CTNND2: variants seen among roughly 807,000 people sequenced by gnomAD.
The protein encoded by CTNND2 is catenin delta 2.
In CTNND2, 22 loss-of-function variants were observed where a neutral mutation model predicts 144.4. The observed-to-expected ratio is 0.15, with a 90% confidence interval of 0.11 to 0.22. The LOEUF is 0.22. Ranked by LOEUF, CTNND2 falls within the 10% of genes least tolerant of loss-of-function variation. The pLI is 1.00. For synonymous variants in CTNND2, 751 were observed against 695.6 expected, an observed-to-expected ratio of 1.08 and a Z score of -1.25; for missense variants, 1,353 against 1,618.8, an observed-to-expected ratio of 0.84 and a Z score of 2.82.
intron 2 of CTNND2, among the ~76,000 whole-genome samples, chr5:11,699,039 TATC>T (rs995531192): frequency 6.6e-6 from 1 of 150,968 alleles, no homozygotes; most frequent in Non-Finnish European, 1.5e-5. Flanking sequence ...CATATATATA[TATC>T]ATATGTTCCC....
At position 11,142,644 on chromosome 5, in the gene CTNND2, C is replaced by T. The variant is rs574051494; in HGVS notation, c.2159+16932G>A. ...TTTTTTTTTGTTTGAGGCAGAGTTT[C>T]GCTCTGTCACCCAGGCTGGAGTGCA... On this transcript the variant is annotated intron_variant, in intron 12 of 21. Transcript: ENST00000304623. Among the ~76,000 whole-genome samples, 49 of 126,776 alleles carry T rather than the reference C, an allele frequency of 3.9e-4. No individual in the cohort carries two copies. The Middle Eastern group carries it at 0.02, about 52-fold the overall frequency. 83.2% of individuals were successfully genotyped at this position (126,776 alleles called of 152,430 possible). A position where few individuals can be genotyped will look rare whatever the true frequency, so the allele number is the denominator to read the frequency against.
intron 9 of CTNND2, among the ~76,000 whole-genome samples, chr5:11,240,840 A>G (rs1742326958): frequency 7.6e-6 from 1 of 131,540 alleles, no homozygotes; most frequent in Non-Finnish European, 1.6e-5. Flanking sequence ...ACACCCCCCA[A>G]CACACACCCA....
At chr5:11,464,703 C>G (rs375059522) in intron 3 of CTNND2, among the ~76,000 whole-genome samples, 2 of 152,160 alleles carry the variant, frequency 1.3e-5, no homozygotes, top group African/African-American at 2.4e-5. Context: ...CATGGTGGAC[C>G]AGGGAGGAGA....
In CTNND2 at chr5:11,496,920, A is replaced by T. The variant is rs1770008435; in HGVS notation, c.287+68024T>A. Among the ~76,000 whole-genome samples, 3 of 152,234 alleles carry T rather than the reference A, an allele frequency of 2.0e-5. No homozygotes were observed. The South Asian group carries it at 6.2e-4, about 32-fold the overall frequency. ...GCCCCACACCTGGGAGAAGAAAGAG[A>T]GCCAGCCCCTCCTGAGTTCCTGAGT... On this transcript the variant is annotated intron_variant, in intron 3 of 21. Coordinates refer to ENST00000304623, the MANE Select transcript of CTNND2 (RefSeq NM_001332.4).
intron 2 of CTNND2, among the ~76,000 whole-genome samples, chr5:11,598,772 A>G (rs1779644534): frequency 6.6e-6 from 1 of 152,184 alleles, no homozygotes; most frequent in African/African-American, 2.4e-5. Context: ...TTTAATATTT[A>G]TTATAGTGAA....
At chr5:11,833,486 G>T (rs1794016584) in intron 1 of CTNND2, among the ~76,000 whole-genome samples, 1 of 152,100 alleles carries the variant, frequency 6.6e-6, no homozygotes, top group Admixed American at 6.5e-5. Flanking sequence ...GGTGACTACA[G>T]TGGGGAAGGA....
chr5:11,627,307 C>T (rs1310087583), intron 2 of CTNND2, among the ~76,000 whole-genome samples: 2 of 152,094 alleles, frequency 1.3e-5, no homozygotes, highest in East Asian at 3.9e-4. Context: ...CAAAGCAGAC[C>T]CTACATAATC....
intron 2 of CTNND2, among the ~76,000 whole-genome samples, chr5:11,710,312 G>A (rs1253417288): frequency 6.6e-6 from 1 of 152,164 alleles, no homozygotes; most frequent in Non-Finnish European, 1.5e-5. Flanking sequence ...GGAGGCTGAG[G>A]TGGGTGGATC....
chr5:11,806,704 T>A (rs569866639), intron 1 of CTNND2, among the ~76,000 whole-genome samples: 3 of 152,204 alleles, frequency 2.0e-5, no homozygotes, highest in African/African-American at 4.8e-5. Flanking sequence ...TATGTGCACA[T>A]TGGGGAAATC....
At chr5:11,287,935 G>GT (rs947570358) in intron 9 of CTNND2, among the ~76,000 whole-genome samples, 2 of 152,036 alleles carry the variant, frequency 1.3e-5, no homozygotes, top group South Asian at 2.1e-4. Flanking sequence ...CTCAGCTGTA[G>GT]TTTTTTTATT....
chr5:11,546,834 G>C (rs905117487), intron 3 of CTNND2, among the ~76,000 whole-genome samples: 2 of 152,070 alleles, frequency 1.3e-5, no homozygotes, highest in South Asian at 4.1e-4. Context: ...GTGAAAAATT[G>C]ACACAAGGCA....
At chr5:11,020,016 G>A (rs1742070512) in intron 17 of CTNND2, among the ~76,000 whole-genome samples, 1 of 152,210 alleles carries the variant, frequency 6.6e-6, no homozygotes, top group East Asian at 1.9e-4. Flanking sequence ...CACAATTGGA[G>A]TTTGATCTTC....
Position 11,064,097 on chromosome 5 carries a change from G to T in CTNND2, c.2788+18599C>A, listed in dbSNP as rs548602118. On this transcript the variant is annotated intron_variant, in intron 16 of 21. Coordinates refer to ENST00000304623, the MANE Select transcript of CTNND2 (RefSeq NM_001332.4). ...TGACTTTAGAACTTCAGGGAACTTG[G>T]GGGTGGGGAGGGCTGGAAGAAATGG... Among the ~76,000 whole-genome samples the T allele has an allele frequency of 7.9e-5, 12 of 152,216 alleles. 1 individual carries two copies. The South Asian group carries it at 2.5e-3, about 32-fold the overall frequency.
chr5:11,753,950 A>C (rs1056006581), intron 1 of CTNND2, among the ~76,000 whole-genome samples: 1 of 150,426 alleles, frequency 6.6e-6, no homozygotes, highest in African/African-American at 2.4e-5. Context: ...TTTCTAGTGC[A>C]TAGAGGTGTG....
chr5:11,514,721 A>G (rs1457167313), intron 3 of CTNND2, among the ~76,000 whole-genome samples: 1 of 152,204 alleles, frequency 6.6e-6, no homozygotes, highest in Non-Finnish European at 1.5e-5. Context: ...CCTCTAAAGT[A>G]CCCATTTGCT....
chr5:11,739,461 A>C (rs759399398), intron 1 of CTNND2, among the ~76,000 whole-genome samples: 1 of 152,150 alleles, frequency 6.6e-6, no homozygotes, highest in Non-Finnish European at 1.5e-5. Flanking sequence ...TCAACCTGAA[A>C]TCTACCTATG....
chr5:11,209,604 T>C (rs1001872569), intron 10 of CTNND2, among the ~76,000 whole-genome samples: 4 of 152,198 alleles, frequency 2.6e-5, no homozygotes, highest in Non-Finnish European at 5.9e-5. Flanking sequence ...CAAACAAGAA[T>C]GGAATCAATT....
chr5:11,144,086 C>T (rs1479494709), intron 12 of CTNND2, among the ~76,000 whole-genome samples: 3 of 150,830 alleles, frequency 2.0e-5, no homozygotes, highest in African/African-American at 7.3e-5. Context: ...CAGGTCTGCA[C>T]CAGCTAGGGG....
chr5:11,610,579 C>T (rs749999705), intron 2 of CTNND2, among the ~76,000 whole-genome samples: 3 of 152,194 alleles, frequency 2.0e-5, no homozygotes, highest in Non-Finnish European at 4.4e-5. Flanking sequence ...AGACACTCTC[C>T]TCCACCTGCC....
Sources: gnomAD v4.1 joint callset for allele counts (sites outside exome capture counted in the v4.1 genomes callset) on GRCh38, gnomAD v4.1.1 for gene constraint, MANE v1.5 for transcripts, NCBI Gene and HGNC (gene_info 2026-07-23, HGNC 2026-07-21) for gene names.